Variants in POU6F2 observed in about 807,000 individuals in gnomAD.
POU6F2 encodes POU domain, class 6, transcription factor 2.
POU6F2 carries 31 observed loss-of-function variants against 71.3 expected under a neutral mutation model. That is an observed-to-expected ratio of 0.43 (90% CI 0.33 to 0.59). The LOEUF (loss-of-function observed/expected upper bound fraction) is 0.59. Ranked by LOEUF, POU6F2 falls within the 20% of genes least tolerant of loss-of-function variation. The pLI is 0.04. For missense variants in POU6F2, 783 were observed against 856.8 expected, an observed-to-expected ratio of 0.91 and a Z score of 1.07; for synonymous variants, 347 against 355.7, an observed-to-expected ratio of 0.98 and a Z score of 0.27.
intron 8 of POU6F2, 141 bp downstream of exon 8, chr7:39,451,842 G>C: frequency 1.8e-6 from 2 of 1,127,798 alleles, no homozygotes; most frequent in Non-Finnish European, 2.5e-6. Flanking sequence ...GGCACTGCTA[G>C]GTCAATATTG....
intron 4 of POU6F2, among the ~76,000 whole-genome samples, chr7:39,302,771 C>T (rs1784973469): frequency 1.3e-5 from 2 of 152,212 alleles, no homozygotes; most frequent in African/African-American, 4.8e-5. Context: ...ACAACCAGTT[C>T]CATTAGAGTA....
chr7:39,329,484 C>G (rs916133473), intron 4 of POU6F2, among the ~76,000 whole-genome samples: 1 of 152,030 alleles, frequency 6.6e-6, no homozygotes, highest in Non-Finnish European at 1.5e-5. Flanking sequence ...TACTTTGATT[C>G]TTAGAAGTCA....
At chr7:39,213,280 GCCC>G (rs1163591691) in intron 4 of POU6F2, among the ~76,000 whole-genome samples, 1 of 152,190 alleles carries the variant, frequency 6.6e-6, no homozygotes, top group East Asian at 1.9e-4. Flanking sequence ...CAGGAAACCT[GCCC>G]CGGTTTTCTC....
intron 4 of POU6F2, among the ~76,000 whole-genome samples, chr7:39,326,056 A>G (rs1485084656): frequency 6.6e-6 from 1 of 152,178 alleles, no homozygotes; most frequent in African/African-American, 2.4e-5. Context: ...TTTAACCTCC[A>G]AGGTGGATTG....
intron 2 of POU6F2, among the ~76,000 whole-genome samples, chr7:39,186,369 G>T (rs1793540279): frequency 6.6e-6 from 1 of 152,152 alleles, no homozygotes; most frequent in African/African-American, 2.4e-5. Flanking sequence ...GCAAGCGTTT[G>T]CTACTTGGTT....
At chr7:39,239,271 C>T (rs554235747) in intron 4 of POU6F2, among the ~76,000 whole-genome samples, 1 of 152,202 alleles carries the variant, frequency 6.6e-6, no homozygotes, top group Admixed American at 6.5e-5. Context: ...TCAGTTTCCT[C>T]AATGTAGAAT....
At chr7:39,000,967 G>T (rs536723201) in intron 1 of POU6F2, among the ~76,000 whole-genome samples, 54 of 152,260 alleles carry the variant, frequency 3.5e-4, no homozygotes, top group Non-Finnish European at 6.3e-4. Context: ...GAGTAAACAT[G>T]CAGTATTTAT....
intron 2 of POU6F2, among the ~76,000 whole-genome samples, chr7:39,140,727 G>T (rs146044237): frequency 2.9e-4 from 44 of 152,248 alleles, no homozygotes; most frequent in African/African-American, 1.0e-3. Flanking sequence ...ACATTCAGAA[G>T]TTGCAAGGAT....
intron 4 of POU6F2, among the ~76,000 whole-genome samples, chr7:39,244,777 C>T (rs949869363): frequency 1.4e-4 from 21 of 152,272 alleles, no homozygotes; most frequent in African/African-American, 5.1e-4. Context: ...ACAGAATCAC[C>T]ATCCCCAACT....
intron 5 of POU6F2, among the ~76,000 whole-genome samples, chr7:39,385,098 C>A (rs926275001): frequency 8.5e-5 from 13 of 152,092 alleles, no homozygotes; most frequent in African/African-American, 3.1e-4. Context: ...AATACAAACA[C>A]CAAAATCCAT....
rs575878688 is a variant in POU6F2 at position 39,215,459 on chromosome 7, C to T, written c.598+7839C>T. On this transcript the variant is annotated intron_variant, in intron 4 of 9. Transcript: ENST00000518318. ...TAGAAGACAAATCAGAACTATATATCGAGTTATATAGTTTTAATTATCTGA... is the reference window on the plus strand; with the variant it reads ...TAGAAGACAAATCAGAACTATATATTGAGTTATATAGTTTTAATTATCTGA... Among the ~76,000 whole-genome samples, 6 of 152,208 alleles carry T rather than the reference C, an allele frequency of 3.9e-5. No homozygotes were observed. The South Asian group carries it at 8.3e-4, about 21-fold the overall frequency.
At chr7:39,408,065 G>A (rs2115903320) in intron 6 of POU6F2, among the ~76,000 whole-genome samples, 1 of 152,292 alleles carries the variant, frequency 6.6e-6, no homozygotes, top group Admixed American at 6.5e-5. Context: ...GCTCTCAAAA[G>A]CCTATTAAGA....
chr7:39,275,548 CTACTT>C (rs1784420893), intron 4 of POU6F2, among the ~76,000 whole-genome samples: 2 of 152,204 alleles, frequency 1.3e-5, no homozygotes, highest in East Asian at 1.9e-4. Flanking sequence ...TTGGAAAAAA[CTACTT>C]TAAAGTTCAT....
chr7:39,064,978 A>G lies in POU6F2; in HGVS notation c.106-20882A>G, dbSNP rs555222820. ...TGATTAAAAACCAGCATTGTGAGAA[A>G]TATTAACTCATCGGTCAACTTTAGC... On this transcript the variant is annotated intron_variant, in intron 1 of 9. Coordinates refer to ENST00000518318, the MANE Select transcript of POU6F2 (RefSeq NM_001370959.1). 9.9e-5 allele frequency among the ~76,000 whole-genome samples: 15 copies of G among 152,012 alleles called. No individual in the cohort carries two copies. The South Asian group carries it at 2.7e-3, about 27-fold the overall frequency.
chr7:39,305,280 G>T (rs1199482324), intron 4 of POU6F2, among the ~76,000 whole-genome samples: 1 of 152,076 alleles, frequency 6.6e-6, no homozygotes, highest in Admixed American at 6.5e-5. Flanking sequence ...CTTGCCCAGG[G>T]GCATACAATT....
intron 2 of POU6F2, among the ~76,000 whole-genome samples, chr7:39,202,290 A>G (rs1323694318): frequency 6.6e-6 from 1 of 152,220 alleles, no homozygotes; most frequent in Non-Finnish European, 1.5e-5. Context: ...GCATGAAAGA[A>G]AAAAGAGACA....
chr7:39,060,010 C>T (rs763591080), intron 1 of POU6F2, among the ~76,000 whole-genome samples: 1 of 152,056 alleles, frequency 6.6e-6, no homozygotes, highest in Admixed American at 6.5e-5. Context: ...GAGTTTGAGA[C>T]CAGCCTGGCC....
intron 4 of POU6F2, among the ~76,000 whole-genome samples, chr7:39,260,554 C>T (rs1326038604): frequency 6.6e-6 from 1 of 150,626 alleles, no homozygotes; most frequent in African/African-American, 2.4e-5. Flanking sequence ...ACACACACCA[C>T]ATTCCACACA....
At chr7:38,984,193 T>C (rs1339025040) in intron 1 of POU6F2, 1 of 152,124 alleles carries the variant, frequency 6.6e-6, no homozygotes, top group Non-Finnish European at 1.5e-5. Context: ...AGCACTTCCC[T>C]AGTCCTAGGG....
Sources: gnomAD v4.1 joint callset for allele counts (sites outside exome capture counted in the v4.1 genomes callset) on GRCh38, gnomAD v4.1.1 for gene constraint, MANE v1.5 for transcripts, NCBI Gene and HGNC (gene_info 2026-07-23, HGNC 2026-07-21) for gene names.